Variants in LYPLA1 observed in about 807,000 individuals in gnomAD.
LYPLA1 encodes lysophospholipase 1.
In LYPLA1, 17 loss-of-function variants were observed where a neutral mutation model predicts 34.0. The observed-to-expected ratio is 0.50, with a 90% CI of 0.34 to 0.75. LYPLA1 has a LOEUF of 0.75. LYPLA1 is among the 30% of genes least tolerant of loss of function. The pLI is 0.01. For synonymous variants in LYPLA1, 98 were observed against 100.8 expected (o/e 0.97, Z 0.17); for missense variants, 203 against 288.8 (o/e 0.70, Z 2.15).
intron 1 of LYPLA1, chr8:54,101,526 T>C: frequency 8.8e-7 from 1 of 1,138,376 alleles, no homozygotes; most frequent in Non-Finnish European, 1.1e-6. Flanking sequence ...CCACACTTCC[T>C]CCGCAATGCA....
At chr8:54,086,502 C>T (rs887857943) in intron 2 of LYPLA1, among the ~76,000 whole-genome samples, 1 of 58,540 alleles carries the variant, frequency 1.7e-5, no homozygotes, top group Non-Finnish European at 3.2e-5. Context: ...AAAAAAGGAA[C>T]AGTTACTCAT....
chr8:54,043,427 C>T (rs1382174583), downstream of LYPLA1, among the ~76,000 whole-genome samples: 1 of 151,808 alleles, frequency 6.6e-6, no homozygotes, highest in Non-Finnish European at 1.5e-5. Flanking sequence ...AGGCGTGCAC[C>T]ACCACACCTG....
intron 2 of LYPLA1, among the ~76,000 whole-genome samples, chr8:54,086,934 G>C (rs1381060434): frequency 6.6e-6 from 1 of 152,114 alleles, no homozygotes; most frequent in Non-Finnish European, 1.5e-5. Context: ...CATATAATTA[G>C]GATTATACAC....
intron 2 of LYPLA1, among the ~76,000 whole-genome samples, chr8:54,083,756 T>C (rs1245664628): frequency 6.6e-6 from 1 of 152,168 alleles, no homozygotes; most frequent in East Asian, 1.9e-4. Context: ...TTAGAAAAAG[T>C]AAAAACACGC....
chr8:54,070,615 G>C (rs7008593), intron 2 of LYPLA1, among the ~76,000 whole-genome samples: 20,095 of 152,032 alleles, frequency 0.13, 3,529 homozygotes, highest in African/African-American at 0.41. Context: ...ACCAGCGACT[G>C]GGGAGACTGA....
chr8:54,092,144 G>A (rs1413763431), intron 2 of LYPLA1, among the ~76,000 whole-genome samples: 2 of 151,368 alleles, frequency 1.3e-5, no homozygotes, highest in African/African-American at 4.9e-5. Context: ...GGAGATGGAA[G>A]AGGCAGAGGC....
chr8:54,083,704 A>G (rs10112111), intron 2 of LYPLA1, among the ~76,000 whole-genome samples: 3 of 152,192 alleles, frequency 2.0e-5, no homozygotes, highest in Non-Finnish European at 4.4e-5. Context: ...AGTTTCATAT[A>G]CTTTTCATGT....
chr8:54,054,931 C>T, intron 6 of LYPLA1, 129 bp downstream of exon 6: 3 of 631,000 alleles, frequency 4.8e-6, no homozygotes, highest in Non-Finnish European at 8.4e-6. Flanking sequence ...CTTAATTAAA[C>T]ATCAAAGGTA....
At chr8:54,098,194 G>A (rs1342656434) in intron 2 of LYPLA1, among the ~76,000 whole-genome samples, 1 of 151,984 alleles carries the variant, frequency 6.6e-6, no homozygotes, top group Non-Finnish European at 1.5e-5. Flanking sequence ...CTGCATTCCA[G>A]CCTGGGTGAC....
intron 2 of LYPLA1, among the ~76,000 whole-genome samples, chr8:54,084,137 A>ATATATATATAT (rs1563642470): frequency 1.8e-4 from 22 of 120,076 alleles, no homozygotes; most frequent in African/African-American, 1.0e-3. Context: ...AAAAAAAATA[A>ATATATATATAT]ATAAATATAT....
intron 2 of LYPLA1, among the ~76,000 whole-genome samples, chr8:54,098,056 C>G (rs1809824588): frequency 6.6e-6 from 1 of 152,018 alleles, no homozygotes; most frequent in South Asian, 2.1e-4. Context: ...AACCCCGTCT[C>G]TACTAAAAAT....
chr8:54,099,125 GT>G lies in LYPLA1; in HGVS notation c.101+1782del, dbSNP rs565809813. On this transcript the variant is annotated intron_variant, in intron 2 of 8. Coordinates refer to ENST00000316963, the MANE Select transcript of LYPLA1 (RefSeq NM_006330.4). ...GTCTGTGGAATCTGCCTAGACTGAA[GT>G]TTTTTTTTTTTTGCTTGAACTAATC... 5.4e-3 allele frequency among the ~76,000 whole-genome samples: 788 copies of G among 145,650 alleles called. 3 individuals carry two copies. Among genetic ancestry groups the G allele is most frequent in the African/African-American group, 0.016 (655 of 40,504 alleles).
intron 2 of LYPLA1, among the ~76,000 whole-genome samples, chr8:54,076,019 G>T (rs1418253095): frequency 6.6e-6 from 1 of 152,192 alleles, no homozygotes; most frequent in Non-Finnish European, 1.5e-5. Context: ...AAAACGGTCA[G>T]ATGGTAGAAA....
intron 2 of LYPLA1, among the ~76,000 whole-genome samples, chr8:54,069,455 T>TTTGGGAG (rs1289389162): frequency 1.3e-5 from 2 of 152,204 alleles, no homozygotes; most frequent in Non-Finnish European, 2.9e-5. Context: ...GGCTCATGCC[T>TTTGGGAG]GTAATCCCAG....
chr8:54,077,209 G>GA (rs1026124182), intron 2 of LYPLA1, among the ~76,000 whole-genome samples: 6 of 151,988 alleles, frequency 3.9e-5, no homozygotes, highest in Admixed American at 3.3e-4. Context: ...GATGGAACTG[G>GA]AGGCCATTAT....
intron 5 of LYPLA1, among the ~76,000 whole-genome samples, chr8:54,057,023 C>G (rs1806253271): frequency 6.6e-6 from 1 of 152,240 alleles, no homozygotes; most frequent in Non-Finnish European, 1.5e-5. Context: ...TCACTGATCG[C>G]CAGCAAAATG....
intron 4 of LYPLA1, among the ~76,000 whole-genome samples, chr8:54,062,596 C>T (rs1048403352): frequency 1.8e-4 from 27 of 152,168 alleles, no homozygotes; most frequent in Admixed American, 1.2e-3. Context: ...ACTGCAGCCT[C>T]CCCCTCCCAG....
intron 8 of LYPLA1, 61 bp downstream of exon 8, chr8:54,050,951 T>A: frequency 1.3e-6 from 2 of 1,497,198 alleles, no homozygotes; most frequent in Non-Finnish European, 1.8e-6. Flanking sequence ...TTACTTTTCT[T>A]GAAAATATCA....
chr8:54,077,389 G>A (rs1186538539), intron 2 of LYPLA1, among the ~76,000 whole-genome samples: 2 of 152,150 alleles, frequency 1.3e-5, no homozygotes, highest in South Asian at 2.1e-4. Flanking sequence ...AGACCTATCA[G>A]GTACTACGCT....
Sources: allele counts gnomAD v4.1 joint callset (sites outside exome capture counted in the v4.1 genomes callset), GRCh38; gene constraint gnomAD v4.1.1; transcripts MANE v1.5; gene names NCBI Gene and HGNC (gene_info 2026-07-23, HGNC 2026-07-21).